AGBL1: variants seen among roughly 807,000 people sequenced by gnomAD.
The protein encoded by AGBL1 is AGBL carboxypeptidase 1, also known as cytosolic carboxypeptidase 4.
In AGBL1, 130 loss-of-function variants were observed where a neutral mutation model predicts 118.9. The observed-to-expected ratio is 1.09, with a 90% CI of 0.95 to 1.26. AGBL1 has a LOEUF of 1.26. AGBL1 is among the 50% of genes most tolerant of loss of function. The pLI is 0.00. For missense variants in AGBL1, 1,584 were observed against 1,298.1 expected, an observed-to-expected ratio of 1.22 and a Z score of -3.38; for synonymous variants, 555 against 478.9, an observed-to-expected ratio of 1.16 and a Z score of -2.08.
At chr15:86,262,984 A>G in intron 10 of AGBL1, 90 bp downstream of exon 10, 2 of 894,222 alleles carry the variant, frequency 2.2e-6, no homozygotes, top group South Asian at 3.0e-5. Context: ...TCCAGATGGA[A>G]AGCATTGCTC....
intron 3 of AGBL1, among the ~76,000 whole-genome samples, chr15:86,151,356 A>T (rs1341336676): frequency 6.6e-6 from 1 of 152,078 alleles, no homozygotes; most frequent in African/African-American, 2.4e-5. Flanking sequence ...CATCCCTGGG[A>T]TGCAAGGCTG....
At chr15:86,255,352 A>G (rs2078877977) in intron 7 of AGBL1, among the ~76,000 whole-genome samples, 1 of 152,190 alleles carries the variant, frequency 6.6e-6, no homozygotes, top group African/African-American at 2.4e-5. Context: ...AGCCAAAACT[A>G]ATTCATTTTC....
chr15:86,962,002 C>T (rs923062176), intron 23 of AGBL1, among the ~76,000 whole-genome samples: 2 of 152,026 alleles, frequency 1.3e-5, no homozygotes, highest in African/African-American at 4.8e-5. Context: ...ATCATTTCTC[C>T]CCACAAAACA....
At chr15:86,975,953 A>G (rs1166244715) in intron 23 of AGBL1, among the ~76,000 whole-genome samples, 1 of 152,112 alleles carries the variant, frequency 6.6e-6, no homozygotes, top group African/African-American at 2.4e-5. Flanking sequence ...CTTCATACCT[A>G]ATAAACTGTC....
At chr15:86,494,977 T>C (rs1266262858) in intron 18 of AGBL1, among the ~76,000 whole-genome samples, 2 of 151,860 alleles carry the variant, frequency 1.3e-5, no homozygotes. Context: ...ATATTGTAGA[T>C]AAAGATTTAA....
At chr15:86,138,134 T>A (rs1298180876) in intron 1 of AGBL1, 2 of 152,150 alleles carry the variant, frequency 1.3e-5, no homozygotes, top group Non-Finnish European at 2.9e-5. Context: ...CCACAAATAA[T>A]GTGCAATTCC....
rs1292037752 is a variant in AGBL1, at chr15:86,159,000, C to T, written c.462C>T (p.Tyr154=). The stretch of plus-strand genomic sequence containing the variant: ...TGCTTTTCAAGGTTATTACTCCTTA[C>T]ACCCGAAAGCGCACCCAAGCAATCA... ...MELLFKVITP[Y]TRKRTQAIRA... is the part of the protein sequence containing the mutation. Residue 154 remains tyrosine, a synonymous_variant, in exon 5 of 23, where the codon TAC becomes TAT. Transcript: ENST00000614907. 1.2e-6 allele frequency: 2 copies of T among 1,613,370 alleles called. No homozygotes were observed. Among genetic ancestry groups the T allele is most frequent in the Non-Finnish European group, 1.7e-6 (2 of 1,179,400 alleles).
At chr15:86,119,769 C>T (rs1046708549) in intron 1 of AGBL1, among the ~76,000 whole-genome samples, 3 of 151,914 alleles carry the variant, frequency 2.0e-5, no homozygotes, top group African/African-American at 7.3e-5. Context: ...CAAGTATCTC[C>T]TGGTTGTGGG....
At chr15:86,546,157 T>C (rs1352115458) in intron 20 of AGBL1, 24 bp downstream of exon 20, 1 of 1,603,312 alleles carries the variant, frequency 6.2e-7, no homozygotes, top group Non-Finnish European at 8.5e-7. Context: ...GGGAATGACA[T>C]CAGACATGCT....
chr15:86,658,685 G>T (rs2085496457), intron 21 of AGBL1, among the ~76,000 whole-genome samples: 1 of 152,144 alleles, frequency 6.6e-6, no homozygotes, highest in South Asian at 2.1e-4. Context: ...AATCTTATAT[G>T]GGCATGTGGA....
Position 86,380,925 on chromosome 15 carries a change from T to G in AGBL1, c.2375-16441T>G, listed in dbSNP as rs1241682104. On this transcript the variant is annotated intron_variant, in intron 17 of 22. Transcript: ENST00000614907. Reference sequence around the variant, plus strand: ...CTACTCTTTGTTGTTCTAATCCACATTACTTATAAAGTGTGTGTGTGTGTG... The same window carrying G: ...CTACTCTTTGTTGTTCTAATCCACAGTACTTATAAAGTGTGTGTGTGTGTG... Among the ~76,000 whole-genome samples, 4 of 145,472 alleles carry G rather than the reference T, an allele frequency of 2.7e-5. No individual in the cohort carries two copies. The South Asian group carries it at 8.8e-4, about 32-fold the overall frequency.
chr15:86,210,702 G>T (rs1194087345), intron 5 of AGBL1, among the ~76,000 whole-genome samples: 1 of 152,096 alleles, frequency 6.6e-6, no homozygotes, highest in African/African-American at 2.4e-5. Flanking sequence ...GTTTATTTTA[G>T]TTAGCCATTC....
intron 22 of AGBL1, among the ~76,000 whole-genome samples, chr15:86,884,820 ACAAAC>A (rs1425494762): frequency 6.6e-6 from 1 of 152,006 alleles, no homozygotes; most frequent in East Asian, 1.9e-4. Context: ...TCAAAAACAA[ACAAAC>A]TATAAAGCAA....
chr15:86,717,721 C>G (rs2086659138), intron 22 of AGBL1, among the ~76,000 whole-genome samples: 1 of 152,078 alleles, frequency 6.6e-6, no homozygotes, highest in African/African-American at 2.4e-5. Flanking sequence ...CCCATTGATA[C>G]CTCCCAGAAA....
At chr15:86,855,247 A>T (rs1033965969) in intron 22 of AGBL1, among the ~76,000 whole-genome samples, 2 of 152,250 alleles carry the variant, frequency 1.3e-5, no homozygotes, top group African/African-American at 4.8e-5. Context: ...GGCAGCTATT[A>T]TGTGTGAAAC....
intron 19 of AGBL1, among the ~76,000 whole-genome samples, chr15:86,532,020 A>C (rs1040442098): frequency 2.0e-5 from 3 of 151,994 alleles, no homozygotes; most frequent in Middle Eastern, 3.4e-3. Context: ...AATGGGAAAA[A>C]CTGGAAGCAT....
intron 22 of AGBL1, among the ~76,000 whole-genome samples, chr15:86,869,267 C>G (rs1038765028): frequency 6.6e-6 from 1 of 152,074 alleles, no homozygotes; most frequent in African/African-American, 2.4e-5. Flanking sequence ...CACCCCCCAC[C>G]GTGTCTTCCC....
At chr15:86,697,310 C>G (rs1028976441) in intron 22 of AGBL1, among the ~76,000 whole-genome samples, 1 of 151,654 alleles carries the variant, frequency 6.6e-6, no homozygotes, top group South Asian at 2.1e-4. Flanking sequence ...TTTTTAAAGT[C>G]TTTGTTGGAT....
intron 7 of AGBL1, among the ~76,000 whole-genome samples, chr15:86,253,650 G>T (rs983448184): frequency 2.0e-5 from 3 of 152,102 alleles, no homozygotes; most frequent in Non-Finnish European, 2.9e-5. Context: ...AAATAAATTA[G>T]AATTTTATTT....
Sources: allele counts gnomAD v4.1 joint callset (sites outside exome capture counted in the v4.1 genomes callset), GRCh38; gene constraint gnomAD v4.1.1; transcripts MANE v1.5; gene names NCBI Gene and HGNC (gene_info 2026-07-23, HGNC 2026-07-21).